SPAG16: variants seen among roughly 807,000 people sequenced by gnomAD.
The protein encoded by SPAG16 is sperm-associated antigen 16 protein.
Under a neutral mutation model 80.4 loss-of-function variants are expected in SPAG16, and 86 were observed. The ratio of observed to expected loss-of-function variants is 1.07; its 90% CI spans 0.90 to 1.28. The LOEUF is 1.28. Among genes scored for constraint, SPAG16 ranks in the 50% most tolerant of loss-of-function variants. The pLI is 0.00. For synonymous variants in SPAG16, 294 were observed against 265.9 expected (o/e 1.11, Z -1.03); for missense variants, 870 against 765.3 (o/e 1.14, Z -1.61).
intron 10 of SPAG16, among the ~76,000 whole-genome samples, chr2:213,529,332 T>C (rs937418834): frequency 8.5e-5 from 13 of 152,144 alleles, no homozygotes; most frequent in African/African-American, 2.9e-4. Flanking sequence ...AAGCCCTGAT[T>C]TGTAGAATTT....
rs376587041 is a variant in SPAG16, at chr2:214,120,583, A to G, written c.1593+12322A>G. ...ATTCCAAATCAAAAAGTTCACTGAA[A>G]CTCTTCTTGAGCTCTGTATTGTTGT... On this transcript the variant is annotated intron_variant, in intron 14 of 15. Coordinates refer to ENST00000331683, the MANE Select transcript of SPAG16 (RefSeq NM_024532.5). Among the ~76,000 whole-genome samples, 186 of 151,270 alleles carry G rather than the reference A, an allele frequency of 1.2e-3. 1 individual carries two copies. Among genetic ancestry groups the G allele is most frequent in the Middle Eastern group, 6.8e-3 (2 of 292 alleles).
intron 11 of SPAG16, among the ~76,000 whole-genome samples, chr2:213,877,958 T>C (rs2076201496): frequency 6.6e-6 from 1 of 152,172 alleles, no homozygotes; most frequent in Non-Finnish European, 1.5e-5. Flanking sequence ...CAGTGTATCA[T>C]TCATGACCCT....
chr2:213,507,825 A>G (rs1226368464), intron 10 of SPAG16, among the ~76,000 whole-genome samples: 1 of 152,218 alleles, frequency 6.6e-6, no homozygotes, highest in Non-Finnish European at 1.5e-5. Flanking sequence ...GTGATTCTAG[A>G]AGGCGGGTCT....
chr2:213,797,573 G>A (rs1373260675), intron 10 of SPAG16, among the ~76,000 whole-genome samples: 1 of 152,184 alleles, frequency 6.6e-6, no homozygotes, highest in Non-Finnish European at 1.5e-5. Flanking sequence ...ACCTAGGTGT[G>A]TAGTAAGCTA....
At chr2:213,486,040 C>T (rs542168052) in intron 9 of SPAG16, among the ~76,000 whole-genome samples, 30 of 152,114 alleles carry the variant, frequency 2.0e-4, no homozygotes, top group Non-Finnish European at 1.0e-4. Flanking sequence ...AATTGAGGTA[C>T]CCATCACCTT....
At chr2:214,228,530 G>A (rs908022902) in intron 15 of SPAG16, among the ~76,000 whole-genome samples, 10 of 151,786 alleles carry the variant, frequency 6.6e-5, no homozygotes, top group Admixed American at 5.9e-4. Context: ...AGGAGAAAAA[G>A]CAAAACTGTT....
At chr2:214,330,491 G>T (rs1696838062) in intron 15 of SPAG16, among the ~76,000 whole-genome samples, 1 of 152,176 alleles carries the variant, frequency 6.6e-6, no homozygotes, top group African/African-American at 2.4e-5. Flanking sequence ...ATTAGAAAGT[G>T]CTCTTGGGAA....
chr2:213,644,820 C>T (rs1461548135), intron 10 of SPAG16, among the ~76,000 whole-genome samples: 1 of 152,246 alleles, frequency 6.6e-6, no homozygotes, highest in East Asian at 1.9e-4. Context: ...CAGCACAGTG[C>T]TGCATCTCAC....
intron 10 of SPAG16, among the ~76,000 whole-genome samples, chr2:213,849,444 G>A (rs1219757317): frequency 6.6e-6 from 1 of 152,144 alleles, no homozygotes; most frequent in Non-Finnish European, 1.5e-5. Context: ...TTGTGAAAGT[G>A]CTGAAGTTTG....
intron 15 of SPAG16, among the ~76,000 whole-genome samples, chr2:214,273,220 A>C (rs1692172195): frequency 6.6e-6 from 1 of 151,930 alleles, no homozygotes; most frequent in Admixed American, 6.6e-5. Context: ...AGATCGCAAA[A>C]ATTTTCTCCC....
chr2:213,660,977 C>T (rs1410878637), intron 10 of SPAG16, among the ~76,000 whole-genome samples: 1 of 152,112 alleles, frequency 6.6e-6, no homozygotes, highest in African/African-American at 2.4e-5. Flanking sequence ...CCCCCTGGTC[C>T]CACTTTATGC....
intron 10 of SPAG16, among the ~76,000 whole-genome samples, chr2:213,715,004 C>T (rs1402471695): frequency 3.3e-5 from 5 of 152,082 alleles, no homozygotes; most frequent in African/African-American, 1.2e-4. Flanking sequence ...TTCAGCTGGC[C>T]GTTAGAAGCT....
intron 10 of SPAG16, among the ~76,000 whole-genome samples, chr2:213,721,313 C>T (rs568494959): frequency 2.0e-5 from 3 of 151,080 alleles, no homozygotes; most frequent in African/African-American, 4.9e-5. Context: ...TGGCGAGGCT[C>T]GTCTCGAACT....
At chr2:214,089,891 A>T (rs1254267398) in intron 13 of SPAG16, among the ~76,000 whole-genome samples, 2 of 152,072 alleles carry the variant, frequency 1.3e-5, no homozygotes, top group East Asian at 3.9e-4. Context: ...ACTAAATATC[A>T]ACTTCTCTTT....
intron 10 of SPAG16, among the ~76,000 whole-genome samples, chr2:213,589,922 A>G (rs1482565394): frequency 8.0e-5 from 2 of 24,924 alleles, no homozygotes; most frequent in South Asian, 1.0e-3. Context: ...ACTCCATCTC[A>G]AAAAAAAAAA....
chr2:213,575,470 A>G (rs2060091515), intron 10 of SPAG16, among the ~76,000 whole-genome samples: 1 of 152,068 alleles, frequency 6.6e-6, no homozygotes. Flanking sequence ...TTATCCCCAT[A>G]TTAATTAATC....
chr2:213,692,210 G>A (rs1473876018), intron 10 of SPAG16, among the ~76,000 whole-genome samples: 1 of 151,970 alleles, frequency 6.6e-6, no homozygotes, highest in African/African-American at 2.4e-5. Context: ...CCTAATTATT[G>A]TCACTCAAAA....
intron 15 of SPAG16, among the ~76,000 whole-genome samples, chr2:214,407,762 G>A (rs538429561): frequency 6.6e-6 from 1 of 152,210 alleles, no homozygotes; most frequent in South Asian, 2.1e-4. Context: ...AAGTACTAAT[G>A]TAGCAATTGA....
chr2:213,712,241 A>C (rs2066028445), intron 10 of SPAG16, among the ~76,000 whole-genome samples: 2 of 152,212 alleles, frequency 1.3e-5, no homozygotes, highest in South Asian at 4.1e-4. Context: ...CCTCAAAATT[A>C]AATGCATTTT....
Sources: allele counts gnomAD v4.1 joint callset (sites outside exome capture counted in the v4.1 genomes callset), GRCh38; gene constraint gnomAD v4.1.1; transcripts MANE v1.5; gene names NCBI Gene and HGNC (gene_info 2026-07-23, HGNC 2026-07-21).